Variants in MIS18A observed in about 807,000 individuals in gnomAD.
MIS18A encodes the protein MIS18 kinetochore protein A.
In MIS18A, 14 loss-of-function variants were observed where a neutral mutation model predicts 25.0. That is an observed-to-expected ratio of 0.56 (90% CI 0.37 to 0.88). The LOEUF is 0.88. MIS18A is among the 40% of genes least tolerant of loss of function. MIS18A has a pLI of 0.00. For synonymous variants in MIS18A, 134 were observed against 118.6 expected (o/e 1.13, Z -0.84); for missense variants, 292 against 290.8 (o/e 1.00, Z -0.03).
chr21:32,190,930 T>C, the MIS18A span, among the ~76,000 whole-genome samples: 2 of 152,230 alleles, frequency 1.3e-5, no homozygotes, highest in Non-Finnish European at 2.9e-5. Context: ...AGCTGTGTCA[T>C]ACATACATTC....
chr21:32,267,176 G>A (rs73901362), downstream of MIS18A, among the ~76,000 whole-genome samples: 2,671 of 152,372 alleles, frequency 0.018, 64 homozygotes, highest in African/African-American at 0.059. Context: ...CTCTCACTGT[G>A]ATGGCAAGGC....
At chr21:32,265,238 G>A (rs543968776), downstream of MIS18A, among the ~76,000 whole-genome samples, 1 of 152,306 alleles carries the variant, frequency 6.6e-6, no homozygotes, top group South Asian at 2.1e-4. Flanking sequence ...TGGCATCTGA[G>A]GAGCCCTTCA....
At chr21:32,259,927 T>C in the MIS18A span, 1 of 152,362 alleles carries the variant, frequency 6.6e-6, no homozygotes, top group Admixed American at 6.5e-5. Flanking sequence ...TGAGCTCAAT[T>C]TGGTAAATTT....
the MIS18A span, among the ~76,000 whole-genome samples, chr21:32,236,859 T>C: frequency 6.6e-6 from 1 of 152,038 alleles, no homozygotes; most frequent in Non-Finnish European, 1.5e-5. Flanking sequence ...TTGCTATGAG[T>C]GAAAAGAGAA....
At chr21:32,274,197 C>CTTTTTTT (rs1184186125) in intron 2 of MIS18A, among the ~76,000 whole-genome samples, 16 of 72,776 alleles carry the variant, frequency 2.2e-4, no homozygotes, top group Non-Finnish European at 3.5e-4. Flanking sequence ...TCCTTTTCTT[C>CTTTTTTT]TTTTTTTTTT....
At chr21:32,212,268 G>T in the MIS18A span, among the ~76,000 whole-genome samples, 1 of 152,130 alleles carries the variant, frequency 6.6e-6, no homozygotes, top group African/African-American at 2.4e-5. Context: ...AGCACAATCA[G>T]AAGGCATGAC....
At chr21:32,175,200 A>C in the MIS18A span, among the ~76,000 whole-genome samples, 1 of 152,200 alleles carries the variant, frequency 6.6e-6, no homozygotes, top group Admixed American at 6.5e-5. Context: ...AAACATACCC[A>C]AACATATAAA....
chr21:32,248,837 C>G, the MIS18A span, among the ~76,000 whole-genome samples: 8 of 152,318 alleles, frequency 5.3e-5, no homozygotes, highest in Middle Eastern at 3.4e-3. Flanking sequence ...CTTCCCTCCC[C>G]CTTTTGTCTT....
the MIS18A span, among the ~76,000 whole-genome samples, chr21:32,230,577 C>T: frequency 3.3e-5 from 5 of 152,132 alleles, no homozygotes; most frequent in Non-Finnish European, 7.3e-5. Context: ...TGTGTTCCTA[C>T]CTGCCCGTAT....
chr21:32,265,681 C>G (rs1476930156), downstream of MIS18A, among the ~76,000 whole-genome samples: 2 of 152,274 alleles, frequency 1.3e-5, no homozygotes, highest in Non-Finnish European at 2.9e-5. Flanking sequence ...CCATGGCGCC[C>G]AGTCCCATCG....
the MIS18A span, among the ~76,000 whole-genome samples, chr21:32,205,505 C>T: frequency 6.6e-6 from 1 of 152,110 alleles, no homozygotes; most frequent in African/African-American, 2.4e-5. Context: ...CCCACCCCTA[C>T]TTAAATCCAG....
chr21:32,252,730 A>G, the MIS18A span, among the ~76,000 whole-genome samples: 275 of 152,298 alleles, frequency 1.8e-3, 2 homozygotes, highest in Non-Finnish European at 3.2e-3. Flanking sequence ...CAGCTTTACA[A>G]TGTGCCTTTC....
the MIS18A span, among the ~76,000 whole-genome samples, chr21:32,252,310 A>G: frequency 2.0e-5 from 3 of 149,392 alleles, no homozygotes; most frequent in Admixed American, 2.0e-4. Flanking sequence ...GAAAAGAAAG[A>G]GTAAGGAAAG....
At chr21:32,166,178 A>G in the MIS18A span, among the ~76,000 whole-genome samples, 1 of 152,206 alleles carries the variant, frequency 6.6e-6, no homozygotes, top group Non-Finnish European at 1.5e-5. Context: ...TGATGGATAC[A>G]TGCTTCTATG....
At chr21:32,266,527 C>G (rs1284890326), downstream of MIS18A, among the ~76,000 whole-genome samples, 1 of 146,076 alleles carries the variant, frequency 6.8e-6, no homozygotes, top group African/African-American at 2.5e-5. Context: ...CCGCAAAGAT[C>G]TGCAGCTTCA....
chr21:32,157,223 A>ATT, the MIS18A span, among the ~76,000 whole-genome samples: 36 of 72,322 alleles, frequency 5.0e-4, 2 homozygotes, highest in Admixed American at 2.9e-3. Context: ...TACCCGGCTA[A>ATT]TTTTTTTTTT....
At chr21:32,236,275 C>T in the MIS18A span, among the ~76,000 whole-genome samples, 1 of 151,548 alleles carries the variant, frequency 6.6e-6, no homozygotes, top group Admixed American at 6.6e-5. Context: ...CTCAGCTACT[C>T]GGGAGGCTGA....
the MIS18A span, among the ~76,000 whole-genome samples, chr21:32,250,670 G>A: frequency 2.6e-5 from 4 of 152,184 alleles, no homozygotes; most frequent in Non-Finnish European, 5.9e-5. Context: ...TCATTTCTGT[G>A]TAGCCATCTA....
chr21:32,193,309 G>A, the MIS18A span, among the ~76,000 whole-genome samples: 7 of 152,134 alleles, frequency 4.6e-5, no homozygotes, highest in African/African-American at 1.7e-4. Flanking sequence ...GACTGTGTTC[G>A]TGGGTTCTTC....
Sources: gnomAD v4.1 joint callset for allele counts (sites outside exome capture counted in the v4.1 genomes callset) on GRCh38, gnomAD v4.1.1 for gene constraint, MANE v1.5 for transcripts, NCBI Gene and HGNC (gene_info 2026-07-23, HGNC 2026-07-21) for gene names.